LMO7: variants seen among roughly 807,000 people sequenced by gnomAD.
The protein encoded by LMO7 is LIM domain only protein 7.
Under a neutral mutation model 206.5 loss-of-function variants are expected in LMO7, and 120 were observed. That is an observed-to-expected ratio of 0.58 (90% CI 0.50 to 0.68). The LOEUF is 0.68. LMO7 is among the 30% of genes least tolerant of loss of function. The probability of loss-of-function intolerance (pLI) is 0.00; values close to 1 mark genes in which losing one functional copy is unlikely to be tolerated. For synonymous variants in LMO7, 706 were observed against 681.5 expected, an observed-to-expected ratio of 1.04 and a Z score of -0.56; for missense variants, 1,959 against 1,957.9, an observed-to-expected ratio of 1.00 and a Z score of -0.01.
At chr13:75,642,320 G>A (rs1341450835) in intron 1 of LMO7, among the ~76,000 whole-genome samples, 1 of 151,786 alleles carries the variant, frequency 6.6e-6, no homozygotes. Context: ...AAAACAGGGT[G>A]TCAGCCAGAC....
At chr13:75,724,281 C>T (rs1198030326) in intron 2 of LMO7, among the ~76,000 whole-genome samples, 1 of 152,136 alleles carries the variant, frequency 6.6e-6, no homozygotes, top group South Asian at 2.1e-4. Flanking sequence ...GAGCAAGCCT[C>T]TGCTGTACTA....
intron 12 of LMO7, among the ~76,000 whole-genome samples, chr13:75,818,017 G>C (rs1458565149): frequency 6.6e-6 from 1 of 152,074 alleles, no homozygotes; most frequent in Non-Finnish European, 1.5e-5. Flanking sequence ...CATGAGCAAA[G>C]GAGTCAGAGT....
At chr13:75,665,370 A>T (rs1310063070) in intron 1 of LMO7, among the ~76,000 whole-genome samples, 1 of 151,992 alleles carries the variant, frequency 6.6e-6, no homozygotes, top group Non-Finnish European at 1.5e-5. Context: ...TTATGGATGT[A>T]TTGAAGTACA....
At chr13:75,823,518 A>G (rs1566549867) in intron 14 of LMO7, 47 bp from the exon 15 acceptor site, 1 of 1,390,876 alleles carries the variant, frequency 7.2e-7, no homozygotes, top group Admixed American at 2.1e-5. Flanking sequence ...AAAAACAGAA[A>G]TAAAGGTAAC....
At chr13:75,809,324 T>A in intron 11 of LMO7, 141 bp downstream of exon 11, 1 of 672,692 alleles carries the variant, frequency 1.5e-6, no homozygotes, top group East Asian at 2.8e-5. Context: ...AATGTTTATC[T>A]TGCAACCTAA....
At chr13:75,676,673 C>T (rs1056039997) in intron 1 of LMO7, among the ~76,000 whole-genome samples, 23 of 152,172 alleles carry the variant, frequency 1.5e-4, no homozygotes, top group Admixed American at 7.9e-4. Flanking sequence ...ATTCAAACCT[C>T]GTTTCACTAG....
At chr13:75,694,287 G>A (rs55912229) in intron 1 of LMO7, among the ~76,000 whole-genome samples, 9,534 of 152,180 alleles carry the variant, frequency 0.063, 595 homozygotes, top group African/African-American at 0.16. Context: ...GACGTAATTG[G>A]AATTGTTAAG....
intron 15 of LMO7, among the ~76,000 whole-genome samples, chr13:75,827,478 T>G (rs1405279880): frequency 6.6e-6 from 1 of 152,230 alleles, no homozygotes; most frequent in Non-Finnish European, 1.5e-5. Flanking sequence ...GATAGGAATT[T>G]CCTTTTCATC....
At chr13:75,762,236 A>C (rs1020285248) in intron 4 of LMO7, among the ~76,000 whole-genome samples, 10 of 152,162 alleles carry the variant, frequency 6.6e-5, no homozygotes, top group African/African-American at 2.4e-4. Context: ...TGACTAATCG[A>C]AAGATAGTTT....
chr13:75,842,075 C>G (rs762780396), intron 24 of LMO7, 92 bp downstream of exon 24: 15 of 894,794 alleles, frequency 1.7e-5, no homozygotes, highest in Non-Finnish European at 2.5e-5. Flanking sequence ...TCCTACCACC[C>G]ATTCTCCACA....
At chr13:75,772,138 A>G (rs1374861842) in intron 4 of LMO7, among the ~76,000 whole-genome samples, 2 of 152,190 alleles carry the variant, frequency 1.3e-5, no homozygotes, top group Non-Finnish European at 2.9e-5. Flanking sequence ...AAATGAACTT[A>G]TCATTTCTTA....
intron 1 of LMO7, among the ~76,000 whole-genome samples, chr13:75,677,746 C>G (rs1439400901): frequency 6.7e-6 from 1 of 150,054 alleles, no homozygotes; most frequent in East Asian, 2.0e-4. Flanking sequence ...CACCCATTAA[C>G]TCGTCATTTA....
chr13:75,776,754 G>A (rs1040007686), intron 4 of LMO7, among the ~76,000 whole-genome samples: 1 of 152,150 alleles, frequency 6.6e-6, no homozygotes, highest in African/African-American at 2.4e-5. Flanking sequence ...TCATACAGTT[G>A]ATGTGAGTGT....
chr13:75,723,845 A>T (rs1179420549), intron 2 of LMO7, among the ~76,000 whole-genome samples: 2 of 152,184 alleles, frequency 1.3e-5, no homozygotes, highest in African/African-American at 4.8e-5. Flanking sequence ...TAAATTAGGT[A>T]GTTTATAAAC....
At chr13:75,775,948 C>G (rs1176809829) in intron 4 of LMO7, among the ~76,000 whole-genome samples, 2 of 151,070 alleles carry the variant, frequency 1.3e-5, no homozygotes, top group Non-Finnish European at 3.0e-5. Context: ...TTTGAGCCAG[C>G]AGTCATCTAT....
intron 2 of LMO7, among the ~76,000 whole-genome samples, chr13:75,715,124 A>G (rs892466663): frequency 6.6e-6 from 1 of 152,240 alleles, no homozygotes; most frequent in Non-Finnish European, 1.5e-5. Context: ...GACCCCATAA[A>G]TAGATCATTA....
intron 4 of LMO7, among the ~76,000 whole-genome samples, chr13:75,786,042 G>A (rs549251852): frequency 2.6e-5 from 4 of 152,108 alleles, no homozygotes; most frequent in Non-Finnish European, 4.4e-5. Context: ...TGTGTGTGGC[G>A]TGAATGTGTG....
chr13:75,793,370 G>A (rs2053566360), intron 4 of LMO7, among the ~76,000 whole-genome samples: 1 of 152,132 alleles, frequency 6.6e-6, no homozygotes, highest in Admixed American at 6.5e-5. Context: ...CCGCCTCCCG[G>A]GTTCAAGCTG....
intron 2 of LMO7, among the ~76,000 whole-genome samples, chr13:75,716,535 G>A (rs2043547652): frequency 2.0e-5 from 3 of 152,046 alleles, no homozygotes; most frequent in African/African-American, 7.2e-5. Context: ...CAGTGAGATG[G>A]GAACACTGTC....
Sources: gnomAD v4.1 joint callset for allele counts (sites outside exome capture counted in the v4.1 genomes callset) on GRCh38, gnomAD v4.1.1 for gene constraint, MANE v1.5 for transcripts, NCBI Gene and HGNC (gene_info 2026-07-23, HGNC 2026-07-21) for gene names.